Variants in LRRC14 observed in about 807,000 individuals in gnomAD.
The protein encoded by LRRC14 is leucine rich repeat containing 14.
LRRC14 carries 16 observed loss-of-function variants against 25.3 expected under a neutral mutation model. The ratio of observed to expected loss-of-function variants is 0.63; its 90% confidence interval spans 0.43 to 0.96. LRRC14 has a LOEUF of 0.96. Ranked by LOEUF, LRRC14 falls within the 40% of genes least tolerant of loss-of-function variation. The pLI, the probability that LRRC14 is intolerant of heterozygous loss-of-function variation, is 0.00. For synonymous variants in LRRC14, 359 were observed against 295.1 expected (o/e 1.22, Z -2.22); for missense variants, 594 against 660.5 (o/e 0.90, Z 1.10).
At position 144,522,827 on chromosome 8, in the gene LRRC14, C is replaced by CG. The variant is rs1378911288; in HGVS notation, c.*1351dup. 6.8e-7 allele frequency: 1 copy of CG among 1,469,420 alleles called. No individual in the cohort carries two copies. Among genetic ancestry groups the CG allele is most frequent in the African/African-American group, 1.5e-5 (1 of 67,992 alleles). 91.0% of individuals were successfully genotyped at this position (1,469,420 alleles called of 1,614,324 possible). A position where few individuals can be genotyped will look rare whatever the true frequency, so the allele number is the denominator to read the frequency against. ...CGTCTGTGTGGCCACGCCCAGGGCG[C>CG]GGAAGGCCATGCTGCCCGCCTCGGG... is the stretch of plus-strand genomic sequence containing the variant. On this transcript the variant is annotated 3_prime_UTR_variant, in exon 4 of 4. Coordinates refer to ENST00000292524, the MANE Select transcript of LRRC14 (RefSeq NM_014665.4).
At position 144,522,499 on chromosome 8, in the gene LRRC14, C is replaced by A. The variant is rs1449481775; in HGVS notation, c.*1021C>A. The stretch of plus-strand genomic sequence containing the variant: ...CCTAGCAGTGGATCTCGTAGGCGAC[C>A]GGCGGGGGCACGCGGAGTCCCGGCC... On this transcript the variant is annotated 3_prime_UTR_variant, in exon 4 of 4. Coordinates refer to ENST00000292524, the MANE Select transcript of LRRC14 (RefSeq NM_014665.4). The A allele has an allele frequency of 4.0e-6, 6 of 1,493,946 alleles. No homozygotes were observed. The highest frequency in any genetic ancestry group is 5.3e-6 in the Non-Finnish European group (6 of 1,127,806). The allele number at this position is 1,493,946 out of a possible 1,614,324, so 92.5% of individuals were successfully genotyped here.
intron 1 of LRRC14, 90 bp from the exon 2 acceptor site, chr8:144,519,521 TTGTC>T (rs1358861874): frequency 1.2e-5 from 7 of 596,316 alleles, no homozygotes; most frequent in Non-Finnish European, 9.0e-6. Flanking sequence ...AGTTGTGAGT[TTGTC>T]TGCCAGTTCA....
rs1344545733 is a variant in LRRC14, at chr8:144,524,957, G to A, written c.*3479G>A. On this transcript the variant is annotated 3_prime_UTR_variant, in exon 4 of 4. Transcript: ENST00000292524. The stretch of plus-strand genomic sequence containing the variant: ...GTAGCAGCAGCAGCGGCAGCAGTGC[G>A]GGGGCCCTCAGGGCCATCTCCCGAG... 1.5e-5 allele frequency: 22 copies of A among 1,485,734 alleles called. No individual in the cohort carries two copies. In the Admixed American group the frequency reaches 3.2e-4, roughly 21 times the overall value. 92.0% of individuals were successfully genotyped at this position (1,485,734 alleles called of 1,614,324 possible).
Position 144,522,434 on chromosome 8 carries a change from G to C in LRRC14, c.*956G>C, listed in dbSNP as rs944500192. On this transcript the variant is annotated 3_prime_UTR_variant, in exon 4 of 4. Coordinates refer to ENST00000292524, the MANE Select transcript of LRRC14 (RefSeq NM_014665.4). ...GACGGAGCATGCGCGAGGCCGCACC[G>C]GCCAATCTCCGGCGCCCACGTCATC... 3.6e-6 allele frequency: 5 copies of C among 1,385,704 alleles called. No individual in the cohort carries two copies. The highest frequency in any genetic ancestry group is 3.7e-6 in the Non-Finnish European group (4 of 1,078,114). The allele number at this position is 1,385,704 out of a possible 1,614,324, so 85.8% of individuals were successfully genotyped here. A position where few individuals can be genotyped will look rare whatever the true frequency, so the allele number is the denominator to read the frequency against.
rs572054303 is a variant in LRRC14 at position 144,520,975 on chromosome 8, C to T, written c.979C>T (p.Arg327Cys). The T allele has an allele frequency of 2.6e-5, 42 of 1,613,150 alleles. No individual in the cohort carries two copies. The highest frequency in any genetic ancestry group is 1.2e-4 in the African/African-American group (9 of 75,056). ...CTGTGCTCTGCTGCCTGAGGACCTA[C>T]GCTTCCTGGCACGGAGCCCACATGC... ...AFCALLPEDL[R>C]FLARSPHAAH... The change falls in exon 4 of 4, where the codon CGC (arginine) becomes TGC (cysteine). Residue 327 changes from arginine (R) to cysteine (C), a missense_variant. Coordinates refer to ENST00000292524, the MANE Select transcript of LRRC14 (RefSeq NM_014665.4).
In LRRC14 at chr8:144,524,018, G is replaced by T; in HGVS notation, c.*2540G>T. The stretch of plus-strand genomic sequence containing the variant: ...GTGCAGCCTTCCAGACTGCTGCCCA[G>T]TTGCCTGATGTCAGAGCCCCTCCAC... On this transcript the variant is annotated 3_prime_UTR_variant, in exon 4 of 4. Transcript: ENST00000292524. 7.0e-7 allele frequency: 1 copy of T among 1,438,646 alleles called. No homozygotes were observed. Among genetic ancestry groups the T allele is most frequent in the Non-Finnish European group, 9.4e-7 (1 of 1,058,486 alleles). The allele number at this position is 1,438,646 out of a possible 1,614,324, so 89.1% of individuals were successfully genotyped here.
chr8:144,520,755 T>G lies in LRRC14; in HGVS notation c.847T>G (p.Phe283Val), dbSNP rs1236539397. The change falls in exon 3 of 4, where the codon TTC (phenylalanine) becomes GTC (valine). Residue 283 changes from phenylalanine (F) to valine (V), a missense_variant. By Grantham distance (50) the Phe-to-Val change is conservative. Transcript: ENST00000292524. ...FRYFLAQMGR[F>V]TCLRELSMGS... The stretch of plus-strand genomic sequence containing the variant: ...CTACTTCCTTGCCCAGATGGGCCGC[T>G]TCACCTGTCTGCGTGAGCTCAGCAT... The G allele has an allele frequency of 6.3e-7, 1 of 1,598,628 alleles. No homozygotes were observed. The highest frequency in any genetic ancestry group is 2.2e-5 in the East Asian group (1 of 44,894).
In LRRC14 at chr8:144,522,488, T is replaced by C. The variant is rs1816142516; in HGVS notation, c.*1010T>C. On this transcript the variant is annotated 3_prime_UTR_variant, in exon 4 of 4. Transcript: ENST00000292524. ...GCGCCCGCGGCCCTAGCAGTGGATC[T>C]CGTAGGCGACCGGCGGGGGCACGCG... 3 of 1,491,340 alleles carry C rather than the reference T, an allele frequency of 2.0e-6. No homozygotes were observed. The highest frequency in any genetic ancestry group is 2.7e-6 in the Non-Finnish European group (3 of 1,127,732). 92.4% of individuals were successfully genotyped at this position (1,491,340 alleles called of 1,614,324 possible).
chr8:144,520,778 C>T lies in LRRC14; in HGVS notation c.870C>T (p.Ser290=), dbSNP rs1391940920. The change falls in exon 3 of 4, where the codon AGC becomes AGT. Residue 290 remains serine (S), a synonymous_variant. Transcript: ENST00000292524. ...MGRFTCLREL[S]MGSSLLSGRL... ...GCTTCACCTGTCTGCGTGAGCTCAG[C>T]ATGGGCTCCTCTCTCCTTTCAGGGA... is the stretch of plus-strand genomic sequence containing the variant. The T allele has an allele frequency of 6.3e-7, 1 of 1,598,548 alleles. No homozygotes were observed. The highest frequency in any genetic ancestry group is 8.5e-7 in the Non-Finnish European group (1 of 1,179,848).
In LRRC14 at chr8:144,524,998, G is replaced by A; in HGVS notation, c.*3520G>A. The A allele has an allele frequency of 7.0e-7, 1 of 1,427,026 alleles. No individual in the cohort carries two copies. Among genetic ancestry groups the A allele is most frequent in the South Asian group, 1.4e-5 (1 of 69,178 alleles). The allele number at this position is 1,427,026 out of a possible 1,614,324, so 88.4% of individuals were successfully genotyped here. On this transcript the variant is annotated 3_prime_UTR_variant, in exon 4 of 4. Transcript: ENST00000292524. ...ATCTCCCGAGGCCCGGTTCCTCACC[G>A]GCCCTTCCGCGGTTCAGCCGCAGAC...
At chr8:144,520,208 A>G (rs751044918) in intron 2 of LRRC14, 30 bp from the exon 3 acceptor site, 4 of 1,596,516 alleles carry the variant, frequency 2.5e-6, no homozygotes, top group Non-Finnish European at 2.6e-6. Context: ...CTGCCCCTCC[A>G]CCCCTTCCTC....
Position 144,522,738 on chromosome 8 carries a change from G to A in LRRC14, c.*1260G>A. 2 of 1,590,054 alleles carry A rather than the reference G, an allele frequency of 1.3e-6. No individual in the cohort carries two copies. The highest frequency in any genetic ancestry group is 8.5e-7 in the Non-Finnish European group (1 of 1,170,074). ...GCCTTTTTTCGCCTGCGGCGCCGGC[G>A]ACAGATCATGGCGACCAGGAGCAGC... On this transcript the variant is annotated 3_prime_UTR_variant, in exon 4 of 4. Transcript: ENST00000292524.
rs183996024 is a variant in LRRC14, at chr8:144,522,357, G to A, written c.*879G>A. On this transcript the variant is annotated 3_prime_UTR_variant, in exon 4 of 4. Coordinates refer to ENST00000292524, the MANE Select transcript of LRRC14 (RefSeq NM_014665.4). ...AGGATTCCCGAGTGCAACGTTCCCG[G>A]CTCGCGCCCCACACACGGCTCAGCG... 6 of 1,316,702 alleles carry A rather than the reference G, an allele frequency of 4.6e-6. No homozygotes were observed. Among genetic ancestry groups the A allele is most frequent in the African/African-American group, 1.5e-5 (1 of 64,712 alleles). 81.6% of individuals were successfully genotyped at this position (1,316,702 alleles called of 1,614,324 possible).
chr8:144,519,528 C>T, intron 1 of LRRC14, 87 bp from the exon 2 acceptor site: 1 of 598,600 alleles, frequency 1.7e-6, no homozygotes, highest in South Asian at 2.0e-5. Flanking sequence ...AGTTTGTCTG[C>T]CAGTTCACTG....
Position 144,524,937 on chromosome 8 carries a change from A to C in LRRC14, c.*3459A>C, listed in dbSNP as rs1052689221. The C allele has an allele frequency of 6.6e-6, 10 of 1,509,610 alleles. No homozygotes were observed. The highest frequency in any genetic ancestry group is 1.4e-5 in the African/African-American group (1 of 71,838). The allele number at this position is 1,509,610 out of a possible 1,614,324, so 93.5% of individuals were successfully genotyped here. On this transcript the variant is annotated 3_prime_UTR_variant, in exon 4 of 4. Coordinates refer to ENST00000292524, the MANE Select transcript of LRRC14 (RefSeq NM_014665.4). ...GGCGGCGCGGAGCGGCAGTAGTAGCAGCAGCAGCGGCAGCAGTGCGGGGGC... is the reference window on the plus strand; with the variant it reads ...GGCGGCGCGGAGCGGCAGTAGTAGCCGCAGCAGCGGCAGCAGTGCGGGGGC...
At position 144,523,230 on chromosome 8, in the gene LRRC14, G is replaced by T; in HGVS notation, c.*1752G>T. 1 of 1,610,064 alleles carries T rather than the reference G, an allele frequency of 6.2e-7. No homozygotes were observed. Among genetic ancestry groups the T allele is most frequent in the Non-Finnish European group, 8.5e-7 (1 of 1,178,804 alleles). On this transcript the variant is annotated 3_prime_UTR_variant, in exon 4 of 4. Coordinates refer to ENST00000292524, the MANE Select transcript of LRRC14 (RefSeq NM_014665.4). Reference sequence around the variant, plus strand: ...GCTGTGAGCTCCAGCGGCTGCACGTGGACAGAGGGCGGAATGCAGATGAGG... The same window carrying T: ...GCTGTGAGCTCCAGCGGCTGCACGTTGACAGAGGGCGGAATGCAGATGAGG...
At position 144,520,923 on chromosome 8, in the gene LRRC14, C is replaced by A; in HGVS notation, c.927C>A (p.Ser309Arg). ...GTGTCCCCTGTAGCACCCTGCAGAGCCCCCTGGAGAGCCTGGAGTTGGCCT... is the reference window on the plus strand; with the variant it reads ...GTGTCCCCTGTAGCACCCTGCAGAGACCCCTGGAGAGCCTGGAGTTGGCCT... ...RLDQLLSTLQ[S>R]PLESLELAFC... The change falls in exon 4 of 4, where the codon AGC becomes AGA. Residue 309 changes from serine to arginine, a missense_variant. Coordinates refer to ENST00000292524, the MANE Select transcript of LRRC14 (RefSeq NM_014665.4). 1 of 1,610,426 alleles carries A rather than the reference C, an allele frequency of 6.2e-7. No homozygotes were observed.
rs375201938 is a variant in LRRC14 at position 144,522,387 on chromosome 8, C to T, written c.*909C>T. ...CGCCCCACACACGGCTCAGCGCACA[C>T]TGCGCGGCTTCCACCTTTACTGACG... On this transcript the variant is annotated 3_prime_UTR_variant, in exon 4 of 4. Transcript: ENST00000292524. 12 of 1,363,350 alleles carry T rather than the reference C, an allele frequency of 8.8e-6. No homozygotes were observed. In the South Asian group the frequency reaches 1.9e-4, roughly 22 times the overall value. The allele number at this position is 1,363,350 out of a possible 1,614,324, so 84.5% of individuals were successfully genotyped here.
rs1586855602 is a variant in LRRC14, at chr8:144,523,999, C to T, written c.*2521C>T. ...AGTGTGGCTGCAGGCGGTGGTGCAG[C>T]CTTCCAGACTGCTGCCCAGTTGCCT... is the stretch of plus-strand genomic sequence containing the variant. On this transcript the variant is annotated 3_prime_UTR_variant, in exon 4 of 4. Transcript: ENST00000292524. 1 of 1,297,222 alleles carries T rather than the reference C, an allele frequency of 7.7e-7. No individual in the cohort carries two copies. Among genetic ancestry groups the T allele is most frequent in the Non-Finnish European group, 1.1e-6 (1 of 939,058 alleles). The allele number at this position is 1,297,222 out of a possible 1,614,324, so 80.4% of individuals were successfully genotyped here.
Sources: allele counts gnomAD v4.1 joint callset, GRCh38; gene constraint gnomAD v4.1.1; transcripts MANE v1.5; gene names NCBI Gene and HGNC (gene_info 2026-07-23, HGNC 2026-07-21).